Variants in DCLK1 observed in about 807,000 individuals in gnomAD.
The protein encoded by DCLK1 is doublecortin like kinase 1.
DCLK1 carries 16 observed loss-of-function variants against 86.2 expected under a neutral mutation model. The observed-to-expected ratio is 0.19, with a 90% CI of 0.13 to 0.28. The LOEUF is 0.28. Ranked by LOEUF, DCLK1 falls within the 10% of genes least tolerant of loss-of-function variation. DCLK1 has a pLI of 1.00. For synonymous variants in DCLK1, 369 were observed against 370.5 expected, an observed-to-expected ratio of 1.00 and a Z score of 0.05; for missense variants, 590 against 940.2, an observed-to-expected ratio of 0.63 and a Z score of 4.87.
At chr13:35,911,175 T>A (rs1038013309) in intron 4 of DCLK1, among the ~76,000 whole-genome samples, 1 of 149,456 alleles carries the variant, frequency 6.7e-6, no homozygotes, top group Non-Finnish European at 1.5e-5. Flanking sequence ...ATGCCTGTAG[T>A]CCAAGCTACT....
intron 4 of DCLK1, among the ~76,000 whole-genome samples, chr13:35,941,427 A>G (rs978127153): frequency 6.6e-6 from 1 of 152,240 alleles, no homozygotes; most frequent in South Asian, 2.1e-4. Context: ...ATGGTGATCC[A>G]TAAGAGAAGC....
intron 3 of DCLK1, among the ~76,000 whole-genome samples, chr13:35,951,501 G>T (rs1359529320): frequency 1.3e-5 from 2 of 150,448 alleles, no homozygotes; most frequent in African/African-American, 4.9e-5. Context: ...CTCAGTTGCA[G>T]ATTCAAGCCC....
chr13:35,785,039 T>C (rs2086595509), intron 16 of DCLK1, among the ~76,000 whole-genome samples: 1 of 152,178 alleles, frequency 6.6e-6, no homozygotes, highest in Non-Finnish European at 1.5e-5. Flanking sequence ...TTGAATCCAA[T>C]ATGCACATTT....
rs369519585 is a variant in DCLK1 at position 36,130,581 on chromosome 13, T to C, written c.-20+533A>G. On this transcript the variant is annotated intron_variant, in intron 1 of 16. Transcript: ENST00000360631. ...GAACATGAGGCAGCCTCGCTGTCCC[T>C]GAAGGAACTTGAGACCCTGCAAACG... Among the ~76,000 whole-genome samples the C allele has an allele frequency of 5.3e-4, 80 of 152,296 alleles. 3 individuals are homozygous for C. Among genetic ancestry groups the C allele is most frequent in the Middle Eastern group, 3.4e-3 (1 of 294 alleles).
At chr13:36,125,334 A>G (rs1432203552) in intron 2 of DCLK1, among the ~76,000 whole-genome samples, 1 of 152,190 alleles carries the variant, frequency 6.6e-6, no homozygotes, top group Admixed American at 6.5e-5. Context: ...AATGGGTTTG[A>G]TAGCTATCTA....
chr13:36,096,809 G>A (rs1885036828), intron 3 of DCLK1, among the ~76,000 whole-genome samples: 2 of 152,104 alleles, frequency 1.3e-5, no homozygotes, highest in African/African-American at 4.8e-5. Flanking sequence ...TAGGAGAGAA[G>A]AATAGACCCC....
chr13:36,112,076 G>T lies in DCLK1; in HGVS notation c.516C>A (p.Ser172Arg). ...AVSSLATAKGSPSEVRENKDF... is the reference protein window; with the variant it reads ...AVSSLATAKGRPSEVRENKDF... ...CCTTATTCTCTCGCACCTCTGAAGG[G>T]CTTCCTTTGGCAGTGGCCAGTGAAG... is the stretch of plus-strand genomic sequence containing the variant. The change falls in exon 3 of 17, where the codon AGC becomes AGA. Residue 172 changes from serine (S) to arginine (R), a missense_variant. Physicochemically the swap from Ser to Arg is moderately radical, Grantham distance 110 (BLOSUM62 -1). Around this residue, in one of 6 missense-constraint regions of DCLK1, gnomAD observed 195 missense variants for 365.1 expected, o/e 0.53. Coordinates refer to ENST00000360631, the MANE Select transcript of DCLK1 (RefSeq NM_001330071.2). 6.2e-7 allele frequency: 1 copy of T among 1,614,144 alleles called. No individual in the cohort carries two copies.
At chr13:36,119,283 A>G (rs1309953263) in intron 2 of DCLK1, among the ~76,000 whole-genome samples, 1 of 152,220 alleles carries the variant, frequency 6.6e-6, no homozygotes, top group Non-Finnish European at 1.5e-5. Flanking sequence ...TGATGAGATC[A>G]CAGTGGATGA....
Position 36,081,977 on chromosome 13 carries a change from G to T in DCLK1, c.723+29892C>A, listed in dbSNP as rs1884436012. 2.0e-5 allele frequency among the ~76,000 whole-genome samples: 3 copies of T among 152,320 alleles called. No homozygotes were observed. In the South Asian group the frequency reaches 6.2e-4, roughly 32 times the overall value. ...GCATTGGATATGCACTATCTAATGA[G>T]GGTGGAGAGGCCAGCAATCCACCCC... On this transcript the variant is annotated intron_variant, in intron 3 of 16. Transcript: ENST00000360631.
At chr13:35,940,084 G>C (rs1876994054) in intron 4 of DCLK1, among the ~76,000 whole-genome samples, 1 of 152,124 alleles carries the variant, frequency 6.6e-6, no homozygotes, top group Non-Finnish European at 1.5e-5. Flanking sequence ...AGCCGGGCAT[G>C]GTGGCATGTG....
At chr13:36,028,381 T>C (rs1882127454) in intron 3 of DCLK1, among the ~76,000 whole-genome samples, 1 of 152,198 alleles carries the variant, frequency 6.6e-6, no homozygotes, top group Non-Finnish European at 1.5e-5. Flanking sequence ...ACATGGCTCA[T>C]GGACTTCAAT....
At chr13:36,049,292 A>G (rs1272963023) in intron 3 of DCLK1, among the ~76,000 whole-genome samples, 1 of 152,124 alleles carries the variant, frequency 6.6e-6, no homozygotes, top group African/African-American at 2.4e-5. Context: ...GCATATTCTG[A>G]TTTTTGCTAA....
intron 3 of DCLK1, among the ~76,000 whole-genome samples, chr13:36,001,200 G>A (rs1199540136): frequency 2.0e-5 from 3 of 152,050 alleles, no homozygotes; most frequent in African/African-American, 7.2e-5. Context: ...CACCCACTTC[G>A]GCCTCCCAAA....
chr13:36,112,881 A>G (rs1885663846), intron 2 of DCLK1, among the ~76,000 whole-genome samples: 1 of 152,270 alleles, frequency 6.6e-6, no homozygotes, highest in Non-Finnish European at 1.5e-5. Context: ...TAAAATAAAT[A>G]TAAGTAAATG....
intron 2 of DCLK1, among the ~76,000 whole-genome samples, 188 bp from the exon 3 acceptor site, chr13:36,112,403 C>T (rs1173556232): frequency 6.6e-6 from 1 of 152,148 alleles, no homozygotes; most frequent in Non-Finnish European, 1.5e-5. Context: ...CTGTCAGCAA[C>T]AGATCCACAT....
chr13:36,078,516 A>G (rs574037403), intron 3 of DCLK1, among the ~76,000 whole-genome samples: 84 of 152,206 alleles, frequency 5.5e-4, no homozygotes, highest in Non-Finnish European at 1.0e-3. Context: ...CATTTCAGCT[A>G]CCAGAAAGCC....
chr13:36,109,965 A>G (rs1011354406), intron 3 of DCLK1, among the ~76,000 whole-genome samples: 1 of 152,236 alleles, frequency 6.6e-6, no homozygotes, highest in African/African-American at 2.4e-5. Context: ...AATTTTAGCT[A>G]AAGTCATTAA....
chr13:35,991,861 T>C (rs1880246118), intron 3 of DCLK1, among the ~76,000 whole-genome samples: 1 of 152,174 alleles, frequency 6.6e-6, no homozygotes, highest in African/African-American at 2.4e-5. Context: ...TAACCTCATA[T>C]GACAAGTTAC....
At chr13:35,827,613 A>G in intron 10 of DCLK1, 22 bp downstream of exon 10, 1 of 1,613,422 alleles carries the variant, frequency 6.2e-7, no homozygotes, top group Non-Finnish European at 8.5e-7. Flanking sequence ...ATAAAGACTT[A>G]CTTTCTTTCC....
Sources: gnomAD v4.1 joint callset for allele counts (sites outside exome capture counted in the v4.1 genomes callset) on GRCh38, gnomAD v4.1.1 for gene constraint, gnomAD v4.1.1 regional missense constraint, MANE v1.5 for transcripts, NCBI Gene and HGNC (gene_info 2026-07-23, HGNC 2026-07-21) for gene names.